TPPP: variants seen among roughly 807,000 people sequenced by gnomAD.
The protein encoded by TPPP is tubulin polymerization promoting protein, also known as tubulin polymerization-promoting protein.
TPPP carries 6 observed loss-of-function variants against 15.5 expected under a neutral mutation model. The observed-to-expected ratio is 0.39, with a 90% CI of 0.21 to 0.77. The LOEUF (loss-of-function observed/expected upper bound fraction) is 0.77. Ranked by LOEUF, TPPP falls within the 30% of genes least tolerant of loss-of-function variation. The pLI is 0.42. For missense variants in TPPP, 269 were observed against 307.2 expected, an observed-to-expected ratio of 0.88 and a Z score of 0.93; for synonymous variants, 146 against 133.9, an observed-to-expected ratio of 1.09 and a Z score of -0.63.
intron 1 of TPPP, among the ~76,000 whole-genome samples, chr5:682,022 C>T (rs1437918940): frequency 1.0e-3 from 155 of 148,500 alleles, no homozygotes; most frequent in African/African-American, 3.0e-3. Flanking sequence ...AGAGGCCCCA[C>T]GGAAAATCAC....
intron 1 of TPPP, among the ~76,000 whole-genome samples, chr5:684,463 G>C (rs1740713661): frequency 6.6e-6 from 1 of 152,126 alleles, no homozygotes; most frequent in Non-Finnish European, 1.5e-5. Context: ...AGAGGACAAG[G>C]GGACAGCAAC....
chr5:676,999 C>T (rs976736004), intron 2 of TPPP, among the ~76,000 whole-genome samples: 12 of 144,790 alleles, frequency 8.3e-5, no homozygotes, highest in South Asian at 4.2e-4. Context: ...AACGCGCACA[C>T]GTGCACACGC....
At chr5:674,002 T>C (rs913028721) in intron 2 of TPPP, among the ~76,000 whole-genome samples, 3 of 152,212 alleles carry the variant, frequency 2.0e-5, no homozygotes, top group African/African-American at 7.2e-5. Context: ...AAAGCAACTT[T>C]CTGCAGAAGG....
chr5:697,223 C>T (rs556779158), upstream of TPPP, among the ~76,000 whole-genome samples: 120 of 151,268 alleles, frequency 7.9e-4, 1 homozygote, highest in African/African-American at 2.1e-3. Context: ...ACCCAGAGAA[C>T]GGCAGGTGAG....
At chr5:688,100 C>T (rs1356306065) in intron 1 of TPPP, among the ~76,000 whole-genome samples, 2 of 112,986 alleles carry the variant, frequency 1.8e-5, no homozygotes, top group Admixed American at 9.6e-5. Context: ...TGGCTTTAAT[C>T]CCTTTGGGAA....
intron 2 of TPPP, 122 bp downstream of exon 2, chr5:677,628 G>A: frequency 2.2e-6 from 2 of 893,430 alleles, no homozygotes; most frequent in Admixed American, 3.0e-5. Flanking sequence ...GAGAAGGGCG[G>A]GGTCTTGAAG....
At chr5:684,166 C>G (rs1232540287) in intron 1 of TPPP, among the ~76,000 whole-genome samples, 1 of 152,242 alleles carries the variant, frequency 6.6e-6, no homozygotes, top group Non-Finnish European at 1.5e-5. Flanking sequence ...ACCTTGACGC[C>G]GAAGCCCTGG....
At chr5:692,574 G>C (rs984576036) in intron 1 of TPPP, 4 of 981,650 alleles carry the variant, frequency 4.1e-6, no homozygotes, top group Admixed American at 1.3e-4. Context: ...CCTCGGCTCC[G>C]TTTACGTAAC....
Position 660,012 on chromosome 5 carries a change from C to T in TPPP, c.*5090G>A, listed in dbSNP as rs1406891651. 1 of 152,384 alleles carries T rather than the reference C, an allele frequency of 6.6e-6. No homozygotes were observed. Among genetic ancestry groups the T allele is most frequent in the Non-Finnish European group, 1.5e-5 (1 of 68,068 alleles). The allele number at this position is 152,384 out of a possible 1,614,324, so 9.4% of individuals were successfully genotyped here. A position where few individuals can be genotyped will look rare whatever the true frequency, so the allele number is the denominator to read the frequency against. On this transcript the variant is annotated 3_prime_UTR_variant, in exon 4 of 4. Coordinates refer to ENST00000360578, the MANE Select transcript of TPPP (RefSeq NM_007030.3). The stretch of plus-strand genomic sequence containing the variant: ...ACAGCAAGTCCAACAGGCAACACCA[C>T]ACCTCTCACCTGCAGGAGGAACAGC...
At chr5:697,421 A>G (rs1174467752), upstream of TPPP, among the ~76,000 whole-genome samples, 3 of 151,906 alleles carry the variant, frequency 2.0e-5, 1 homozygote, top group African/African-American at 7.2e-5. Flanking sequence ...CGTGCTGGGA[A>G]GAAAAGATGT....
upstream of TPPP, among the ~76,000 whole-genome samples, chr5:697,371 T>A (rs1201692583): frequency 6.7e-6 from 1 of 148,784 alleles, no homozygotes; most frequent in South Asian, 2.2e-4. Flanking sequence ...CCACAGCCGA[T>A]GTTAGGGAAG....
In TPPP at chr5:666,074, C is replaced by G; in HGVS notation, c.361G>C (p.Glu121Gln). 6.2e-7 allele frequency: 1 copy of G among 1,612,536 alleles called. No homozygotes were observed. The highest frequency in any genetic ancestry group is 8.5e-7 in the Non-Finnish European group (1 of 1,179,844). ...TTGAATCGCTTCTTGGCGAGCTCCTCCAGCGCCTCCTGGAACTGCTCAAAG... is the reference window on the plus strand; with the variant it reads ...TTGAATCGCTTCTTGGCGAGCTCCTGCAGCGCCTCCTGGAACTGCTCAAAG... ...ITFEQFQEAL[E>Q]ELAKKRFKDK... The change falls in exon 3 of 4, where the codon GAG becomes CAG. Residue 121 changes from glutamate to glutamine, a missense_variant. Coordinates refer to ENST00000360578, the MANE Select transcript of TPPP (RefSeq NM_007030.3).
chr5:693,433 C>A (rs1382023459), upstream of TPPP: 2 of 148,010 alleles, frequency 1.4e-5, no homozygotes, highest in African/African-American at 2.4e-5. Context: ...GCCCCCGGCC[C>A]CCAGCGTCCG....
chr5:696,892 ATGAG>A, upstream of TPPP, among the ~76,000 whole-genome samples: 1 of 144,112 alleles, frequency 6.9e-6, no homozygotes, highest in African/African-American at 2.5e-5. Flanking sequence ...CTCTGTGTGT[ATGAG>A]TGTGTCTGCG....
chr5:684,197 C>T (rs1250397335), intron 1 of TPPP, among the ~76,000 whole-genome samples: 1 of 152,254 alleles, frequency 6.6e-6, no homozygotes, highest in Non-Finnish European at 1.5e-5. Context: ...CTGCAACGCC[C>T]AGTGCTCCAT....
chr5:676,888 C>T (rs566495342), intron 2 of TPPP, among the ~76,000 whole-genome samples: 30 of 125,560 alleles, frequency 2.4e-4, no homozygotes, highest in African/African-American at 1.3e-3. Context: ...GCACACACGA[C>T]GCAGAAACGC....
In TPPP at chr5:666,140, G is replaced by T. The variant is rs759942758; in HGVS notation, c.312-17C>A. 1 of 1,606,178 alleles carries T rather than the reference G, an allele frequency of 6.2e-7. No individual in the cohort carries two copies. The highest frequency in any genetic ancestry group is 1.1e-5 in the South Asian group (1 of 90,994). On this transcript the variant is annotated splice_polypyrimidine_tract_variant and intron_variant, in intron 2 of 3. Coordinates refer to ENST00000360578, the MANE Select transcript of TPPP (RefSeq NM_007030.3). ...GACTTCCCTCTACAGGGGCACAGGC[G>T]ACTTAGGGCTGGGCGCGGGCCGGCC...
chr5:674,694 C>T (rs1034345277), intron 2 of TPPP, among the ~76,000 whole-genome samples: 33 of 152,028 alleles, frequency 2.2e-4, no homozygotes, highest in African/African-American at 6.5e-4. Flanking sequence ...AGGCCCACAC[C>T]GCATGGCCCG....
chr5:693,418 G>C (rs1351283473), upstream of TPPP: 18 of 138,508 alleles, frequency 1.3e-4, no homozygotes, highest in Non-Finnish European at 2.1e-4. Flanking sequence ...CCCGGTCCCG[G>C]GCCCGCCCCC....
Sources: gnomAD v4.1 joint callset for allele counts (sites outside exome capture counted in the v4.1 genomes callset) on GRCh38, gnomAD v4.1.1 for gene constraint, MANE v1.5 for transcripts, NCBI Gene and HGNC (gene_info 2026-07-23, HGNC 2026-07-21) for gene names.